The following MRPS5 variants were observed in gnomAD, a reference collection of about 807,000 sequenced individuals.
MRPS5 encodes mitochondrial ribosomal protein S5.
MRPS5 carries 27 observed loss-of-function variants against 51.9 expected under a neutral mutation model. That is an observed-to-expected ratio of 0.52 (90% CI 0.38 to 0.72). The LOEUF (loss-of-function observed/expected upper bound fraction) is 0.72, where lower values mean the gene tolerates loss of function less well. Among genes scored for constraint, MRPS5 ranks in the 30% least tolerant of loss-of-function variants. The probability of loss-of-function intolerance (pLI) is 0.00; values close to 1 mark genes in which losing one functional copy is unlikely to be tolerated. For synonymous variants in MRPS5, 196 were observed against 193.2 expected, an observed-to-expected ratio of 1.01 and a Z score of -0.12; for missense variants, 570 against 545.7, an observed-to-expected ratio of 1.04 and a Z score of -0.44.
chr2:95,088,068 A>T (rs1490207863), intron 11 of MRPS5, among the ~76,000 whole-genome samples: 1 of 152,066 alleles, frequency 6.6e-6, no homozygotes, highest in Non-Finnish European at 1.5e-5. Context: ...CCTATTTAAA[A>T]GGCATAGCAA....
In MRPS5 at chr2:95,108,315, T is replaced by C. The variant is rs764273047; in HGVS notation, c.497A>G (p.Glu166Gly). 1.2e-6 allele frequency: 2 copies of C among 1,614,172 alleles called. No homozygotes were observed. Among genetic ancestry groups the C allele is most frequent in the East Asian group, 2.2e-5 (1 of 44,880 alleles). Residue 166 changes from glutamate (E) to glycine (G), a missense_variant, in exon 5 of 12, where the codon GAG becomes GGG. Physicochemically the swap from Glu to Gly is moderately conservative, Grantham distance 98. Coordinates refer to ENST00000272418, the MANE Select transcript of MRPS5 (RefSeq NM_031902.5). Reference protein sequence around the residue: ...TIAQRSKEEQEKVEADMIQQR... With the variant: ...TIAQRSKEEQGKVEADMIQQR... The stretch of plus-strand genomic sequence containing the variant: ...CTGGATCATGTCTGCCTCCACCTTC[T>C]CCTGCTCTTCCTTGCTTCTTTGGGC...
At position 95,085,515 on chromosome 2, in the gene MRPS5, A is replaced by C. The variant is rs1296496908; in HGVS notation, c.*1842T>G. On this transcript the variant is annotated 3_prime_UTR_variant, in exon 12 of 12. Coordinates refer to ENST00000272418, the MANE Select transcript of MRPS5 (RefSeq NM_031902.5). Reference sequence around the variant, plus strand: ...TTACTCTAGCAAAATACCACACACAAAAAAAGGGGACCCACCCACACCAGA... The same window carrying C: ...TTACTCTAGCAAAATACCACACACACAAAAAGGGGACCCACCCACACCAGA... Among the ~76,000 whole-genome samples the C allele has an allele frequency of 6.6e-6, 1 of 152,158 alleles. No homozygotes were observed. The highest frequency in any genetic ancestry group is 1.5e-5 in the Non-Finnish European group (1 of 68,040).
chr2:95,112,792 C>G (rs1245403778), intron 3 of MRPS5, among the ~76,000 whole-genome samples: 2 of 151,998 alleles, frequency 1.3e-5, no homozygotes, highest in African/African-American at 2.4e-5. Context: ...ATCACGAGGT[C>G]AGGAGATCGA....
chr2:95,109,915 C>T lies in MRPS5; in HGVS notation c.403+1G>A, dbSNP rs1241614757. ...TTAGCTATTTTTATAAATAAGTTTA[C>T]CTTCACCAATGATCTGACCCCTGTT... is the stretch of plus-strand genomic sequence containing the variant. On this transcript the variant is annotated splice_donor_variant, in intron 4 of 11. Coordinates refer to ENST00000272418, the MANE Select transcript of MRPS5 (RefSeq NM_031902.5). LOFTEE classifies it high-confidence loss of function. 1 of 1,603,536 alleles carries T rather than the reference C, an allele frequency of 6.2e-7. No individual in the cohort carries two copies. The highest frequency in any genetic ancestry group is 1.3e-5 in the African/African-American group (1 of 74,234).
At chr2:95,104,443 A>T (rs545848100) in intron 7 of MRPS5, 197 bp downstream of exon 7, 18 of 629,562 alleles carry the variant, frequency 2.9e-5, no homozygotes, top group Non-Finnish European at 4.0e-5. Context: ...AGGCAAGTAC[A>T]GTAGAATCTA....
rs1675732417 is a variant in MRPS5 at position 95,099,415 on chromosome 2, T to G, written c.931+1059A>C. Among the ~76,000 whole-genome samples, 5 of 152,154 alleles carry G rather than the reference T, an allele frequency of 3.3e-5. No homozygotes were observed. The South Asian group carries it at 1.0e-3, about 32-fold the overall frequency. On this transcript the variant is annotated intron_variant, in intron 10 of 11. Coordinates refer to ENST00000272418, the MANE Select transcript of MRPS5 (RefSeq NM_031902.5). ...TTAAAAAGTTTATTTAGAGATGTGT[T>G]TTATTAACCCAATATGTCCAAACAT...
chr2:95,105,421 G>A (rs1259960193), intron 6 of MRPS5, among the ~76,000 whole-genome samples: 3 of 152,052 alleles, frequency 2.0e-5, no homozygotes, highest in Non-Finnish European at 4.4e-5. Context: ...GTGGTGGCAG[G>A]CACCTGTAGT....
chr2:95,112,761 T>C (rs757818887), intron 3 of MRPS5, among the ~76,000 whole-genome samples: 5 of 152,030 alleles, frequency 3.3e-5, no homozygotes, highest in Non-Finnish European at 5.9e-5. Context: ...TCCCAGCACT[T>C]TGGGAGGCTG....
intron 5 of MRPS5, among the ~76,000 whole-genome samples, chr2:95,107,663 C>T (rs1675990233): frequency 6.6e-6 from 1 of 152,210 alleles, no homozygotes. Context: ...TTGACAAGAA[C>T]ACATCTCTTG....
chr2:95,085,750 G>A lies in MRPS5; in HGVS notation c.*1607C>T, dbSNP rs1243156132. Among the ~76,000 whole-genome samples the A allele has an allele frequency of 6.6e-6, 1 of 152,182 alleles. No individual in the cohort carries two copies. Among genetic ancestry groups the A allele is most frequent in the Non-Finnish European group, 1.5e-5 (1 of 68,028 alleles). On this transcript the variant is annotated 3_prime_UTR_variant, in exon 12 of 12. Coordinates refer to ENST00000272418, the MANE Select transcript of MRPS5 (RefSeq NM_031902.5). Reference sequence around the variant, plus strand: ...ATACCAGCACCGTCAGAGGAAGCATGCTGAGAGATTTAAATAACTCCCAGA... The same window carrying A: ...ATACCAGCACCGTCAGAGGAAGCATACTGAGAGATTTAAATAACTCCCAGA...
chr2:95,121,072 C>T (rs746469234), intron 1 of MRPS5, among the ~76,000 whole-genome samples: 1 of 151,956 alleles, frequency 6.6e-6, no homozygotes, highest in Admixed American at 6.6e-5. Context: ...GAGCCGAGAT[C>T]GCACCATTGC....
At chr2:95,112,382 T>TAC (rs915181683) in intron 3 of MRPS5, among the ~76,000 whole-genome samples, 14 of 152,126 alleles carry the variant, frequency 9.2e-5, no homozygotes, top group African/African-American at 3.4e-4. Context: ...TATATATATA[T>TAC]ACACACACAT....
intron 10 of MRPS5, among the ~76,000 whole-genome samples, chr2:95,097,297 T>C (rs917920733): frequency 7.2e-5 from 11 of 152,142 alleles, no homozygotes; most frequent in African/African-American, 2.7e-4. Context: ...GCCATCCCCA[T>C]CAAGCTACCA....
At chr2:95,114,120 CAAAAAAAAA>C (rs1002543941) in intron 3 of MRPS5, among the ~76,000 whole-genome samples, 3 of 43,024 alleles carry the variant, frequency 7.0e-5, no homozygotes, top group African/African-American at 3.1e-4. Context: ...CTCCATCTCC[CAAAAAAAAA>C]AAAAAAAAAA....
intron 5 of MRPS5, among the ~76,000 whole-genome samples, chr2:95,107,244 C>T (rs868714582): frequency 6.6e-6 from 1 of 152,296 alleles, no homozygotes; most frequent in South Asian, 2.1e-4. Flanking sequence ...GATACTCTAC[C>T]TTTTCGTAAA....
chr2:95,102,003 T>G (rs1048334237), intron 7 of MRPS5: 2 of 305,850 alleles, frequency 6.5e-6, no homozygotes, highest in Non-Finnish European at 1.2e-5. Context: ...AGAACAAAAT[T>G]TAAAAAATTA....
intron 1 of MRPS5, 130 bp downstream of exon 1, chr2:95,121,604 T>TGGGGGCACGGCGTGAAGAGCCG (rs1676453379): frequency 9.9e-7 from 1 of 1,011,998 alleles, no homozygotes. Flanking sequence ...CGGCGGAAGG[T>TGGGGGCACGGCGTGAAGAGCCG]GGGGGCACGG....
At chr2:95,121,578 G>A (rs982669221) in intron 1 of MRPS5, among the ~76,000 whole-genome samples, 156 bp downstream of exon 1, 3 of 152,332 alleles carry the variant, frequency 2.0e-5, no homozygotes, top group South Asian at 2.1e-4. Flanking sequence ...ACGCGCGCAA[G>A]GTCACACAGC....
chr2:95,104,810 A>C lies in MRPS5; in HGVS notation c.673-80T>G, dbSNP rs549792421. On this transcript the variant is annotated intron_variant, in intron 6 of 11. Coordinates refer to ENST00000272418, the MANE Select transcript of MRPS5 (RefSeq NM_031902.5). ...AACTGGAGGGAGCCGCCTTCCTTGC[A>C]GGCATACACGGTGAACAGGCACACA... The C allele has an allele frequency of 9.5e-6, 12 of 1,258,420 alleles. No homozygotes were observed. In the African/African-American group the frequency reaches 1.6e-4, roughly 17 times the overall value. The allele number at this position is 1,258,420 out of a possible 1,614,324, so 78.0% of individuals were successfully genotyped here. A position where few individuals can be genotyped will look rare whatever the true frequency, so the allele number is the denominator to read the frequency against.
Sources: gnomAD v4.1 joint callset for allele counts (sites outside exome capture counted in the v4.1 genomes callset) on GRCh38, gnomAD v4.1.1 for gene constraint, MANE v1.5 for transcripts, NCBI Gene and HGNC (gene_info 2026-07-23, HGNC 2026-07-21) for gene names.